The following PCDHGB4 variants were observed in gnomAD, a reference collection of about 807,000 sequenced individuals.
PCDHGB4 encodes the protein protocadherin gamma subfamily B, 4.
A neutral mutation model predicts 60.5 loss-of-function variants in PCDHGB4; 38 were observed. That is an observed-to-expected ratio of 0.63 (90% CI 0.48 to 0.82). PCDHGB4 has a LOEUF of 0.82. Ranked by LOEUF, PCDHGB4 falls within the 40% of genes least tolerant of loss-of-function variation. The pLI is 0.00. For synonymous variants in PCDHGB4, 456 were observed against 509.7 expected, an observed-to-expected ratio of 0.89 and a Z score of 1.42; for missense variants, 1,109 against 1,209.6, an observed-to-expected ratio of 0.92 and a Z score of 1.23.
chr5:141,410,358 T>C, intron 1 of PCDHGB4: 2 of 1,614,070 alleles, frequency 1.2e-6, no homozygotes, highest in Non-Finnish European at 8.5e-7. Flanking sequence ...CGACGCTCTC[T>C]CAGCCCTGCT....
At chr5:141,446,069 C>T (rs552817495) in intron 1 of PCDHGB4, among the ~76,000 whole-genome samples, 1 of 152,102 alleles carries the variant, frequency 6.6e-6, no homozygotes, top group South Asian at 2.1e-4. Flanking sequence ...AAAGGGGAGG[C>T]AGTGGATGTA....
chr5:141,408,909 A>G lies in PCDHGB4; in HGVS notation c.2397+18628A>G, dbSNP rs746399377. On this transcript the variant is annotated intron_variant, in intron 1 of 3. Transcript: ENST00000519479. ...ATAGAAATTTCTGTCAAGGATACCA[A>G]TGATAACCCCCCGGTTTTCAGCAGA... 1.3e-5 allele frequency: 21 copies of G among 1,613,442 alleles called. No individual in the cohort carries two copies. In the East Asian group the frequency reaches 2.5e-4, roughly 19 times the overall value.
intron 1 of PCDHGB4, chr5:141,484,969 G>A: frequency 3.4e-6 from 2 of 584,588 alleles, no homozygotes; most frequent in Admixed American, 3.2e-5. Flanking sequence ...CCCGGGAGCC[G>A]CTGTCTGCCA....
chr5:141,418,523 C>T (rs2096266495), intron 1 of PCDHGB4: 1 of 1,613,958 alleles, frequency 6.2e-7, no homozygotes, highest in Non-Finnish European at 8.5e-7. Context: ...GGACCCTCCC[C>T]GAAGCGGTAC....
chr5:141,468,282 G>A (rs1368214716), intron 1 of PCDHGB4, among the ~76,000 whole-genome samples: 1 of 140,012 alleles, frequency 7.1e-6, no homozygotes, highest in African/African-American at 2.7e-5. Context: ...CCGAGACCAC[G>A]CCATTGCACC....
chr5:141,433,223 T>C lies in PCDHGB4; in HGVS notation c.2397+42942T>C, dbSNP rs2097577369. On this transcript the variant is annotated intron_variant, in intron 1 of 3. Coordinates refer to ENST00000519479, the MANE Select transcript of PCDHGB4 (RefSeq NM_003736.4). The stretch of plus-strand genomic sequence containing the variant: ...AATCTTCTTTCTTTTTTTTTTTTAA[T>C]TGCTCTGTCTCCCAAGCTGGAATGC... The C allele has an allele frequency of 4.6e-6, 7 of 1,525,952 alleles. No individual in the cohort carries two copies. In the East Asian group the frequency reaches 1.6e-4, roughly 34 times the overall value. The allele number at this position is 1,525,952 out of a possible 1,614,324, so 94.5% of individuals were successfully genotyped here. A position where few individuals can be genotyped will look rare whatever the true frequency, so the allele number is the denominator to read the frequency against.
chr5:141,472,308 G>A (rs897967832), intron 1 of PCDHGB4, among the ~76,000 whole-genome samples: 6 of 152,074 alleles, frequency 3.9e-5, no homozygotes, highest in South Asian at 4.1e-4. Context: ...TTGGGAAGCC[G>A]AGGCAGGCAG....
At chr5:141,458,289 T>G (rs2154566205) in intron 1 of PCDHGB4, among the ~76,000 whole-genome samples, 1 of 152,280 alleles carries the variant, frequency 6.6e-6, no homozygotes, top group African/African-American at 2.4e-5. Flanking sequence ...CTGGTCCTCA[T>G]GCTGGTTTAG....
rs776047060 is a variant in PCDHGB4, at chr5:141,393,622, A to T, written c.2397+3341A>T. The T allele has an allele frequency of 1.9e-6, 3 of 1,613,960 alleles. No individual in the cohort carries two copies. The Admixed American group carries it at 5.0e-5, about 27-fold the overall frequency. ...CTTACTGTAACAGCCAGCGACCCGG[A>T]TGAGGGAATCAACGGAAAAGTGGCA... On this transcript the variant is annotated intron_variant, in intron 1 of 3. Coordinates refer to ENST00000519479, the MANE Select transcript of PCDHGB4 (RefSeq NM_003736.4).
Position 141,394,139 on chromosome 5 carries a change from G to A in PCDHGB4, c.2397+3858G>A, listed in dbSNP as rs780148099. 1.7e-5 allele frequency: 27 copies of A among 1,613,788 alleles called. No individual in the cohort carries two copies. The African/African-American group carries it at 3.5e-4, about 21-fold the overall frequency. On this transcript the variant is annotated intron_variant, in intron 1 of 3. Coordinates refer to ENST00000519479, the MANE Select transcript of PCDHGB4 (RefSeq NM_003736.4). ...CTGAAACTCAAATCGCTCTGCACGTGGCAGACATTAACGACAACCCTCCTA... is the reference window on the plus strand; with the variant it reads ...CTGAAACTCAAATCGCTCTGCACGTAGCAGACATTAACGACAACCCTCCTA...
At position 141,503,509 on chromosome 5, in the gene PCDHGB4, G is replaced by A. The variant is rs373282648; in HGVS notation, c.2457-1884G>A. ...AGCTGCTCAAGAGGCTGAGGCAGGA[G>A]AATCACTTGAACCTGGGAGGCAGAG... On this transcript the variant is annotated intron_variant, in intron 2 of 3. Transcript: ENST00000519479. Among the ~76,000 whole-genome samples the A allele has an allele frequency of 9.4e-5, 14 of 149,410 alleles. No individual in the cohort carries two copies. The South Asian group carries it at 1.5e-3, about 16-fold the overall frequency.
chr5:141,425,661 C>A (rs993314865), intron 1 of PCDHGB4, among the ~76,000 whole-genome samples: 5 of 152,184 alleles, frequency 3.3e-5, no homozygotes, highest in Admixed American at 3.3e-4. Context: ...ATTATCTGCA[C>A]ATCAGATTGA....
At position 141,388,479 on chromosome 5, in the gene PCDHGB4, C is replaced by T. The variant is rs1345463224; in HGVS notation, c.595C>T (p.Pro199Ser). Residue 199 changes from proline to serine, a missense_variant, in exon 1 of 4, where the codon CCT becomes TCT. Physicochemically the swap from Pro to Ser is moderately conservative, Grantham distance 74. Transcript: ENST00000519479. The stretch of plus-strand genomic sequence containing the variant: ...ATACCCTGAGATGGTATTGAAGACA[C>T]CTTTGGACAGAGAAAAGCAGAAATC... ...SKYPEMVLKT[P>S]LDREKQKSYH... 7 of 1,613,652 alleles carry T rather than the reference C, an allele frequency of 4.3e-6. No homozygotes were observed. The highest frequency in any genetic ancestry group is 1.7e-6 in the Non-Finnish European group (2 of 1,179,890).
intron 1 of PCDHGB4, among the ~76,000 whole-genome samples, chr5:141,484,322 T>C (rs2099594801): frequency 6.6e-6 from 1 of 152,214 alleles, no homozygotes; most frequent in Non-Finnish European, 1.5e-5. Flanking sequence ...TTCCATACTG[T>C]CCTTGAAATC....
chr5:141,406,906 C>T (rs1186250719), intron 1 of PCDHGB4, among the ~76,000 whole-genome samples: 1 of 152,048 alleles, frequency 6.6e-6, no homozygotes, highest in Non-Finnish European at 1.5e-5. Flanking sequence ...CTGTTTTTAG[C>T]TATAAGGAAG....
rs2096144450 is a variant in PCDHGB4 at position 141,417,665 on chromosome 5, T to C, written c.2397+27384T>C. On this transcript the variant is annotated intron_variant, in intron 1 of 3. Coordinates refer to ENST00000519479, the MANE Select transcript of PCDHGB4 (RefSeq NM_003736.4). ...CCTCAGCCTCTAGCCTGGGATTCCCTGCGCAGCCAACAACAGAAAAGAAAA... is the reference window on the plus strand; with the variant it reads ...CCTCAGCCTCTAGCCTGGGATTCCCCGCGCAGCCAACAACAGAAAAGAAAA... 3.3e-6 allele frequency: 3 copies of C among 915,730 alleles called. No individual in the cohort carries two copies. In the South Asian group the frequency reaches 5.8e-5, roughly 18 times the overall value. 56.7% of individuals were successfully genotyped at this position (915,730 alleles called of 1,614,324 possible).
chr5:141,500,460 C>T (rs1421637554), intron 2 of PCDHGB4, among the ~76,000 whole-genome samples: 2 of 152,234 alleles, frequency 1.3e-5, no homozygotes, highest in South Asian at 2.1e-4. Context: ...CCGCCCGCCT[C>T]GGCCTCCCAA....
At chr5:141,410,705 A>G (rs1462423983) in intron 1 of PCDHGB4, 1 of 1,460,780 alleles carries the variant, frequency 6.8e-7, no homozygotes, top group Non-Finnish European at 9.1e-7. Context: ...TTTCATATCT[A>G]GAATCATATG....
intron 1 of PCDHGB4, among the ~76,000 whole-genome samples, chr5:141,434,448 G>A (rs2097694852): frequency 6.6e-6 from 1 of 152,210 alleles, no homozygotes; most frequent in Non-Finnish European, 1.5e-5. Context: ...CATGCTGGAA[G>A]GTAGTGGGTT....
Sources: allele counts gnomAD v4.1 joint callset (sites outside exome capture counted in the v4.1 genomes callset), GRCh38; gene constraint gnomAD v4.1.1; transcripts MANE v1.5; gene names NCBI Gene and HGNC (gene_info 2026-07-23, HGNC 2026-07-21).